FSTL4: variants seen among roughly 807,000 people sequenced by gnomAD.
The protein encoded by FSTL4 is follistatin like 4.
A neutral mutation model predicts 78.2 loss-of-function variants in FSTL4; 28 were observed. The ratio of observed to expected loss-of-function variants is 0.36; its 90% CI spans 0.27 to 0.49. The LOEUF (loss-of-function observed/expected upper bound fraction) is 0.49. Among genes scored for constraint, FSTL4 ranks in the 20% least tolerant of loss-of-function variants. The probability of loss-of-function intolerance (pLI) is 0.98; values close to 1 mark genes in which losing one functional copy is unlikely to be tolerated. For synonymous variants in FSTL4, 422 were observed against 440.5 expected (o/e 0.96, Z 0.53); for missense variants, 922 against 1,084.9 (o/e 0.85, Z 2.11).
intron 3 of FSTL4, among the ~76,000 whole-genome samples, chr5:133,453,084 G>A (rs186251892): frequency 4.6e-5 from 7 of 152,304 alleles, no homozygotes; most frequent in African/African-American, 1.7e-4. Context: ...TGAATGAACA[G>A]ATGAGTGACT....
the FSTL4 span, among the ~76,000 whole-genome samples, chr5:133,751,472 C>G: frequency 6.6e-6 from 1 of 152,182 alleles, no homozygotes; most frequent in African/African-American, 2.4e-5. Context: ...TTGTGAAATA[C>G]TAGTGTTCAA....
At chr5:133,687,414 C>T in the FSTL4 span, among the ~76,000 whole-genome samples, 1 of 152,214 alleles carries the variant, frequency 6.6e-6, no homozygotes, top group Non-Finnish European at 1.5e-5. Flanking sequence ...AACAAAGCCG[C>T]AGCCCTCTTG....
chr5:133,650,015 C>T, the FSTL4 span, among the ~76,000 whole-genome samples: 407 of 152,114 alleles, frequency 2.7e-3, 1 homozygote, highest in African/African-American at 9.2e-3. Context: ...TGGTGAGGGC[C>T]TCAGGTTCCT....
intron 13 of FSTL4, 44 bp downstream of exon 13, chr5:133,217,185 G>C (rs1259253560): frequency 6.5e-7 from 1 of 1,549,908 alleles, no homozygotes; most frequent in South Asian, 1.1e-5. Context: ...GGCAGGCTGT[G>C]CCCCAGAATT....
the FSTL4 span, among the ~76,000 whole-genome samples, chr5:133,778,417 A>C: frequency 1.3e-5 from 2 of 152,256 alleles, no homozygotes; most frequent in Non-Finnish European, 2.9e-5. Context: ...AATTTCTGGA[A>C]AAAACATAAC....
chr5:133,608,755 GAT>G (rs1351467310), intron 1 of FSTL4, among the ~76,000 whole-genome samples: 3 of 152,200 alleles, frequency 2.0e-5, no homozygotes, highest in African/African-American at 7.2e-5. Context: ...AGGTTAGTAT[GAT>G]GTAACATTCC....
chr5:133,235,373 C>T lies in FSTL4; in HGVS notation c.895-1836G>A, dbSNP rs184139943. On this transcript the variant is annotated intron_variant, in intron 7 of 15. Coordinates refer to ENST00000265342, the MANE Select transcript of FSTL4 (RefSeq NM_015082.2). ...AATTAGCTGGGCGTGGAGGCGGGCG[C>T]CTGTAGTCCCAGCTACTCAGGAGGC... Among the ~76,000 whole-genome samples, 1,224 of 152,026 alleles carry T rather than the reference C, an allele frequency of 8.1e-3. 13 individuals carry two copies. The highest frequency in any genetic ancestry group is 0.028 in the African/African-American group (1,166 of 41,462).
At chr5:133,735,391 G>C in the FSTL4 span, among the ~76,000 whole-genome samples, 2 of 152,130 alleles carry the variant, frequency 1.3e-5, no homozygotes, top group African/African-American at 4.8e-5. Context: ...TTGAACCAGG[G>C]AGTCAGAGGT....
chr5:133,261,568 G>C (rs1245928992), intron 6 of FSTL4, among the ~76,000 whole-genome samples: 1 of 152,158 alleles, frequency 6.6e-6, no homozygotes, highest in Non-Finnish European at 1.5e-5. Flanking sequence ...GAGCTCATGA[G>C]AGTGACAGGC....
intron 4 of FSTL4, among the ~76,000 whole-genome samples, chr5:133,370,105 T>C (rs1755261287): frequency 6.6e-6 from 1 of 152,198 alleles, no homozygotes; most frequent in Non-Finnish European, 1.5e-5. Context: ...TCCTTTGAAC[T>C]GTCACCGTGC....
intron 3 of FSTL4, among the ~76,000 whole-genome samples, chr5:133,462,302 C>T (rs1389683759): frequency 2.0e-5 from 3 of 152,258 alleles, no homozygotes; most frequent in Non-Finnish European, 2.9e-5. Flanking sequence ...GGCCTGGGAG[C>T]TTGGTCCTCC....
intron 8 of FSTL4, among the ~76,000 whole-genome samples, chr5:133,232,903 C>T (rs1390814534): frequency 6.6e-6 from 1 of 152,222 alleles, no homozygotes; most frequent in South Asian, 2.1e-4. Context: ...AGCTTCCAAG[C>T]CTCAGTTTCT....
intron 3 of FSTL4, among the ~76,000 whole-genome samples, chr5:133,451,982 A>G (rs761802027): frequency 3.3e-5 from 5 of 152,212 alleles, no homozygotes; most frequent in Non-Finnish European, 7.4e-5. Context: ...CTTCCCTGTC[A>G]GGCACTGTAG....
intron 6 of FSTL4, among the ~76,000 whole-genome samples, chr5:133,262,164 G>A (rs1282311692): frequency 6.6e-6 from 1 of 152,112 alleles, no homozygotes; most frequent in Non-Finnish European, 1.5e-5. Context: ...AGCTAAACAA[G>A]CACTGGCCTT....
In FSTL4 at chr5:133,376,888, CA is replaced by C. The variant is rs56667792; in HGVS notation, c.409+23849del. ...TGAGAGACAGAGCAAGAGTCTGTCT[CA>C]AAAAAAAAAAAAAAAAGAAAATCTA... On this transcript the variant is annotated intron_variant, in intron 4 of 15. Coordinates refer to ENST00000265342, the MANE Select transcript of FSTL4 (RefSeq NM_015082.2). 9.8e-3 allele frequency among the ~76,000 whole-genome samples: 1,251 copies of C among 127,640 alleles called. 9 individuals are homozygous for C. Among genetic ancestry groups the C allele is most frequent in the African/African-American group, 0.017 (558 of 33,216 alleles). The allele number at this position is 127,640 out of a possible 152,430, so 83.7% of individuals were successfully genotyped here. A position where few individuals can be genotyped will look rare whatever the true frequency, so the allele number is the denominator to read the frequency against.
At chr5:133,347,321 C>T (rs1302139625) in intron 4 of FSTL4, among the ~76,000 whole-genome samples, 1 of 152,126 alleles carries the variant, frequency 6.6e-6, no homozygotes, top group African/African-American at 2.4e-5. Context: ...GTACAGGTGA[C>T]CCCACCCAAT....
At chr5:133,688,851 G>C in the FSTL4 span, among the ~76,000 whole-genome samples, 1 of 152,160 alleles carries the variant, frequency 6.6e-6, no homozygotes, top group African/African-American at 2.4e-5. Flanking sequence ...CACGGGGCCA[G>C]GGATGTCATC....
At chr5:133,838,357 A>G in the FSTL4 span, among the ~76,000 whole-genome samples, 5 of 152,396 alleles carry the variant, frequency 3.3e-5, no homozygotes, top group East Asian at 9.6e-4. Flanking sequence ...AACAAAGTCA[A>G]TCATTTATTA....
the FSTL4 span, among the ~76,000 whole-genome samples, chr5:133,736,559 CT>C: frequency 6.6e-6 from 1 of 152,092 alleles, no homozygotes; most frequent in Non-Finnish European, 1.5e-5. Flanking sequence ...ACTTGTGACC[CT>C]TTTTGCCACC....
Sources: gnomAD v4.1 joint callset for allele counts (sites outside exome capture counted in the v4.1 genomes callset) on GRCh38, gnomAD v4.1.1 for gene constraint, MANE v1.5 for transcripts, NCBI Gene and HGNC (gene_info 2026-07-23, HGNC 2026-07-21) for gene names.